The following DCUN1D4 variants were observed in gnomAD, a reference collection of about 807,000 sequenced individuals.
The protein encoded by DCUN1D4 is DCN1-like protein 4.
A neutral mutation model predicts 47.9 loss-of-function variants in DCUN1D4; 22 were observed. That is an observed-to-expected ratio of 0.46 (90% confidence interval 0.33 to 0.66). DCUN1D4 has a LOEUF of 0.66. Among genes scored for constraint, DCUN1D4 ranks in the 30% least tolerant of loss-of-function variants. The pLI, the probability that DCUN1D4 is intolerant of heterozygous loss-of-function variation, is 0.02. For missense variants in DCUN1D4, 301 were observed against 340.8 expected (o/e 0.88, Z 0.92); for synonymous variants, 121 against 112.2 (o/e 1.08, Z -0.50).
intron 10 of DCUN1D4, 48 bp downstream of exon 10, chr4:51,913,440 A>G (rs1365945306): frequency 6.3e-6 from 10 of 1,577,608 alleles, no homozygotes; most frequent in Admixed American, 1.7e-5. Flanking sequence ...TTTCTATATC[A>G]TCCTCATTGG....
At chr4:51,861,981 C>T (rs1350127940) in intron 1 of DCUN1D4, among the ~76,000 whole-genome samples, 1 of 152,132 alleles carries the variant, frequency 6.6e-6, no homozygotes, top group Non-Finnish European at 1.5e-5. Flanking sequence ...TTTTCTAAAC[C>T]TCTGTGCAGT....
intron 3 of DCUN1D4, among the ~76,000 whole-genome samples, chr4:51,866,303 CT>C (rs1269871387): frequency 6.6e-6 from 1 of 152,160 alleles, no homozygotes; most frequent in Non-Finnish European, 1.5e-5. Flanking sequence ...TTTATCACCC[CT>C]AGGTTCCATC....
chr4:51,851,878 A>G (rs1029271552), intron 1 of DCUN1D4, among the ~76,000 whole-genome samples: 1 of 152,216 alleles, frequency 6.6e-6, no homozygotes, highest in Non-Finnish European at 1.5e-5. Context: ...CACAGCTTAT[A>G]AGTGGTGAAT....
At chr4:51,856,713 G>A (rs1416264451) in intron 1 of DCUN1D4, among the ~76,000 whole-genome samples, 2 of 152,202 alleles carry the variant, frequency 1.3e-5, no homozygotes, top group Non-Finnish European at 2.9e-5. Flanking sequence ...AAAAGAACAT[G>A]AACCATTGAG....
At chr4:51,837,654 C>CAAAAAAAAAAAAAAAAAAAAAAAA in the DCUN1D4 span, among the ~76,000 whole-genome samples, 1 of 46,180 alleles carries the variant, frequency 2.2e-5, no homozygotes, top group African/African-American at 8.3e-5. Context: ...GACTCCGTCT[C>CAAAAAAAAAAAAAAAAAAAAAAAA]AAAAAAAAAA....
chr4:51,850,103 CAT>C (rs1577835956), intron 1 of DCUN1D4, among the ~76,000 whole-genome samples: 1 of 152,120 alleles, frequency 6.6e-6, no homozygotes, highest in Non-Finnish European at 1.5e-5. Flanking sequence ...TGGCTTTTAA[CAT>C]ATGTTACCTT....
upstream of DCUN1D4, chr4:51,843,138 C>T: frequency 6.7e-7 from 1 of 1,499,932 alleles, no homozygotes; most frequent in Non-Finnish European, 8.9e-7. Context: ...TGGGAGTGCC[C>T]GGCGGCGGGT....
chr4:51,885,885 T>C (rs933576444), intron 5 of DCUN1D4, among the ~76,000 whole-genome samples: 1 of 152,206 alleles, frequency 6.6e-6, no homozygotes, highest in African/African-American at 2.4e-5. Context: ...GATTTTCAGA[T>C]ATCACACAAT....
chr4:51,863,922 A>G (rs1308060878), intron 3 of DCUN1D4, among the ~76,000 whole-genome samples: 1 of 152,220 alleles, frequency 6.6e-6, no homozygotes, highest in Admixed American at 6.5e-5. Flanking sequence ...TAATGCCTTT[A>G]AAGAGGCTCG....
At chr4:51,850,372 G>A (rs1456350157) in intron 1 of DCUN1D4, among the ~76,000 whole-genome samples, 2 of 152,102 alleles carry the variant, frequency 1.3e-5, no homozygotes, top group African/African-American at 4.8e-5. Context: ...GACATGCAGG[G>A]CTCGGGTTTT....
chr4:51,891,627 A>G, intron 6 of DCUN1D4, 133 bp from the exon 7 acceptor site: 2 of 659,750 alleles, frequency 3.0e-6, no homozygotes, highest in Non-Finnish European at 4.9e-6. Flanking sequence ...AACTCTGCTC[A>G]TATTTCAGTG....
At position 51,913,742 on chromosome 4, in the gene DCUN1D4, T is replaced by C; in HGVS notation, c.*158T>C. On this transcript the variant is annotated 3_prime_UTR_variant, in exon 11 of 11. Coordinates refer to ENST00000334635, the MANE Select transcript of DCUN1D4 (RefSeq NM_001040402.3). ...TTGCTATTGAATTGGCCAGCTCTGC[T>C]TGCTGTGTGGCATTGTTCTCTTGGA... The C allele has an allele frequency of 1.6e-6, 1 of 639,890 alleles. No homozygotes were observed. Among genetic ancestry groups the C allele is most frequent in the Middle Eastern group, 4.1e-4 (1 of 2,454 alleles). The allele number at this position is 639,890 out of a possible 1,614,324, so 39.6% of individuals were successfully genotyped here.
intron 3 of DCUN1D4, among the ~76,000 whole-genome samples, chr4:51,870,372 A>G (rs1045454743): frequency 4.6e-5 from 7 of 152,202 alleles, no homozygotes; most frequent in South Asian, 2.1e-4. Flanking sequence ...CATTCCTTGA[A>G]TATGTCTTCT....
At chr4:51,843,743 G>A (rs2082914992) in intron 1 of DCUN1D4, 1 of 1,202,880 alleles carries the variant, frequency 8.3e-7, no homozygotes, top group Non-Finnish European at 1.0e-6. Context: ...AGAAAGGCGG[G>A]TGAGTGCGAG....
chr4:51,909,757 A>C (rs113007043), intron 8 of DCUN1D4, among the ~76,000 whole-genome samples: 1 of 152,326 alleles, frequency 6.6e-6, no homozygotes, highest in Non-Finnish European at 1.5e-5. Context: ...GGTGATGTGG[A>C]GCCATCTGAC....
chr4:51,872,160 C>T (rs1330000727), intron 3 of DCUN1D4, among the ~76,000 whole-genome samples: 1 of 152,180 alleles, frequency 6.6e-6, no homozygotes, highest in Non-Finnish European at 1.5e-5. Flanking sequence ...GGACCCTCAT[C>T]TGGGCCAGAG....
chr4:51,899,682 C>T (rs2110096900), intron 8 of DCUN1D4, among the ~76,000 whole-genome samples: 1 of 152,264 alleles, frequency 6.6e-6, no homozygotes, highest in Admixed American at 6.5e-5. Context: ...GTTGGAAAAG[C>T]TTTCCTTCTC....
chr4:51,911,821 T>C (rs1733756825), intron 9 of DCUN1D4, among the ~76,000 whole-genome samples: 1 of 152,180 alleles, frequency 6.6e-6, no homozygotes, highest in South Asian at 2.1e-4. Flanking sequence ...GTATATGGGA[T>C]ACAAGTTTGA....
intron 1 of DCUN1D4, chr4:51,860,599 G>A (rs934894067): frequency 1.3e-5 from 6 of 455,432 alleles, no homozygotes; most frequent in African/African-American, 1.0e-4. Context: ...TCTTACAATC[G>A]TGGAGGAAGG....
Sources: allele counts gnomAD v4.1 joint callset (sites outside exome capture counted in the v4.1 genomes callset), GRCh38; gene constraint gnomAD v4.1.1; transcripts MANE v1.5; gene names NCBI Gene and HGNC (gene_info 2026-07-23, HGNC 2026-07-21).